PATJ: variants seen among roughly 807,000 people sequenced by gnomAD.
PATJ encodes PATJ crumbs cell polarity complex component, also known as inaD-like protein.
PATJ carries 190 observed loss-of-function variants against 224.9 expected under a neutral mutation model. The ratio of observed to expected loss-of-function variants is 0.84; its 90% CI spans 0.75 to 0.95. The LOEUF is 0.95. PATJ is among the 40% of genes least tolerant of loss of function. PATJ has a pLI of 0.00. For synonymous variants in PATJ, 769 were observed against 820.3 expected, an observed-to-expected ratio of 0.94 and a Z score of 1.07; for missense variants, 2,121 against 2,270.3, an observed-to-expected ratio of 0.93 and a Z score of 1.34.
At chr1:62,068,362 G>A (rs902595083) in intron 31 of PATJ, among the ~76,000 whole-genome samples, 4 of 152,200 alleles carry the variant, frequency 2.6e-5, no homozygotes, top group East Asian at 1.9e-4. Flanking sequence ...TGCAGGCAGC[G>A]TGTGGTTGAC....
chr1:61,906,254 A>G (rs939835140), intron 24 of PATJ, among the ~76,000 whole-genome samples: 2 of 152,214 alleles, frequency 1.3e-5, no homozygotes, highest in Non-Finnish European at 1.5e-5. Flanking sequence ...CAGCATGTCA[A>G]CATGTTCAAC....
intron 30 of PATJ, chr1:62,038,784 T>G (rs1480763290): frequency 1.9e-6 from 1 of 530,290 alleles, no homozygotes; most frequent in Non-Finnish European, 3.5e-6. Context: ...CAATACACAT[T>G]ATTTTTATTC....
At chr1:62,120,762 G>A (rs1044522340) in intron 37 of PATJ, 1 of 157,778 alleles carries the variant, frequency 6.3e-6, no homozygotes, top group African/African-American at 2.4e-5. Context: ...TATTATACTT[G>A]TTTTAGCAAA....
chr1:62,073,789 A>G (rs925481452), intron 31 of PATJ, among the ~76,000 whole-genome samples: 3 of 152,310 alleles, frequency 2.0e-5, no homozygotes, highest in Admixed American at 6.5e-5. Flanking sequence ...CAGGAATTCC[A>G]GACCAGCCTA....
chr1:61,839,191 T>C (rs1465932100), intron 17 of PATJ, among the ~76,000 whole-genome samples: 3 of 152,082 alleles, frequency 2.0e-5, no homozygotes, highest in Non-Finnish European at 4.4e-5. Flanking sequence ...CCTTTGTGAG[T>C]GCTATTTCCA....
At chr1:62,114,425 A>T in intron 35 of PATJ, 179 bp downstream of exon 35, 1 of 599,364 alleles carries the variant, frequency 1.7e-6, no homozygotes, top group South Asian at 2.2e-5. Flanking sequence ...AAAAATTGTC[A>T]TATCAAGATA....
intron 22 of PATJ, among the ~76,000 whole-genome samples, chr1:61,899,076 T>C (rs944314499): frequency 6.6e-6 from 1 of 152,156 alleles, no homozygotes; most frequent in Admixed American, 6.5e-5. Context: ...TTAGATAATA[T>C]AAGTAACTGA....
At chr1:62,064,541 A>T (rs1486125370) in intron 31 of PATJ, among the ~76,000 whole-genome samples, 4 of 152,170 alleles carry the variant, frequency 2.6e-5, no homozygotes, top group Admixed American at 1.3e-4. Flanking sequence ...CATGTTGGCC[A>T]GGCTGGTCTC....
intron 33 of PATJ, among the ~76,000 whole-genome samples, chr1:62,105,494 T>C (rs1029055734): frequency 7.2e-5 from 11 of 152,140 alleles, no homozygotes; most frequent in African/African-American, 2.4e-4. Context: ...ACAAATGACC[T>C]TTGGTAGGAT....
At position 61,957,282 on chromosome 1, in the gene PATJ, A is replaced by G. The variant is rs144139839; in HGVS notation, c.3670+29453A>G. ...AATCATTCTGCCATCTACACGTATT[A>G]CTTAGAAGGTTCTTTTTATGGGCTG... On this transcript the variant is annotated intron_variant, in intron 27 of 43. Transcript: ENST00000642238. 2.8e-3 allele frequency among the ~76,000 whole-genome samples: 433 copies of G among 152,322 alleles called. 2 individuals are homozygous for G. The highest frequency in any genetic ancestry group is 0.01 in the African/African-American group (417 of 41,582).
chr1:62,033,344 T>C (rs1649687760), intron 29 of PATJ, among the ~76,000 whole-genome samples: 1 of 151,894 alleles, frequency 6.6e-6, no homozygotes, highest in African/African-American at 2.4e-5. Context: ...ATTGTAAGAG[T>C]CCAGATGCCT....
At chr1:62,001,262 C>T (rs1645752442) in intron 28 of PATJ, among the ~76,000 whole-genome samples, 1 of 151,616 alleles carries the variant, frequency 6.6e-6, no homozygotes, top group Non-Finnish European at 1.5e-5. Flanking sequence ...GAAGTCCTCG[C>T]CCATGCCTAT....
chr1:61,833,680 T>G lies in PATJ; in HGVS notation c.2007T>G (p.Thr669=). The change falls in exon 17 of 44, where the codon ACT becomes ACG. Residue 669 remains threonine (T), a synonymous_variant. Coordinates refer to ENST00000642238, the MANE Select transcript of PATJ (RefSeq NM_001350145.3). ...TEVDHNMDVN[T]EEDDDGELAL... ...TTGACCACAATATGGATGTCAATAC[T>G]GAAGAAGATGATGATGGGGAATTAG... 1 of 1,613,358 alleles carries G rather than the reference T, an allele frequency of 6.2e-7. No individual in the cohort carries two copies. The highest frequency in any genetic ancestry group is 1.1e-5 in the South Asian group (1 of 90,976).
chr1:61,797,434 T>TA lies in PATJ; in HGVS notation c.1402+8dup, dbSNP rs1651575165. On this transcript the variant is annotated splice_region_variant and intron_variant, in intron 11 of 43. Coordinates refer to ENST00000642238, the MANE Select transcript of PATJ (RefSeq NM_001350145.3). ...TGAACCACCTTCAGACAGAGGTGATTAATTTGCCACCCCTCTATCCCTCAA... is the reference window on the plus strand; with the variant it reads ...TGAACCACCTTCAGACAGAGGTGATTAAATTTGCCACCCCTCTATCCCTCAA... The TA allele has an allele frequency of 6.2e-7, 1 of 1,607,774 alleles. No homozygotes were observed. The highest frequency in any genetic ancestry group is 8.5e-7 in the Non-Finnish European group (1 of 1,174,794).
intron 43 of PATJ, among the ~76,000 whole-genome samples, chr1:62,157,853 A>T (rs926300128): frequency 2.3e-4 from 17 of 74,092 alleles, no homozygotes; most frequent in Non-Finnish European, 3.4e-4. Context: ...AAAAAAAAAA[A>T]AATAATCCAA....
At chr1:61,942,849 A>G (rs990434810) in intron 27 of PATJ, among the ~76,000 whole-genome samples, 3 of 152,132 alleles carry the variant, frequency 2.0e-5, no homozygotes, top group African/African-American at 7.2e-5. Context: ...ATGCCCAGCC[A>G]GCAGTTTCTT....
intron 1 of PATJ, among the ~76,000 whole-genome samples, chr1:61,757,054 T>C (rs1288784012): frequency 6.7e-6 from 1 of 150,012 alleles, no homozygotes; most frequent in Non-Finnish European, 1.5e-5. Context: ...CAGACTGTCA[T>C]GGCCATCGTT....
chr1:62,045,207 G>A (rs1012138694), intron 30 of PATJ, among the ~76,000 whole-genome samples: 11 of 151,010 alleles, frequency 7.3e-5, no homozygotes, highest in African/African-American at 2.2e-4. Context: ...GGCAACAACC[G>A]TGAAACTCCG....
chr1:62,141,046 C>A (rs1667449117), intron 41 of PATJ, among the ~76,000 whole-genome samples: 1 of 151,882 alleles, frequency 6.6e-6, no homozygotes. Context: ...GAGTGAAGTA[C>A]CCCGGAGAGT....
Sources: allele counts gnomAD v4.1 joint callset (sites outside exome capture counted in the v4.1 genomes callset), GRCh38; gene constraint gnomAD v4.1.1; transcripts MANE v1.5; gene names NCBI Gene and HGNC (gene_info 2026-07-23, HGNC 2026-07-21).